Variants in SLC22A15 observed in about 807,000 individuals in gnomAD.
SLC22A15 encodes the protein flipt 1.
A neutral mutation model predicts 62.7 loss-of-function variants in SLC22A15; 45 were observed. The observed-to-expected ratio is 0.72, with a 90% CI of 0.56 to 0.92. The LOEUF (loss-of-function observed/expected upper bound fraction) is 0.92. Among genes scored for constraint, SLC22A15 ranks in the 40% least tolerant of loss-of-function variants. The pLI is 0.00. For missense variants in SLC22A15, 622 were observed against 665.6 expected, an observed-to-expected ratio of 0.93 and a Z score of 0.72; for synonymous variants, 264 against 267.0, an observed-to-expected ratio of 0.99 and a Z score of 0.11.
chr1:116,011,455 A>G (rs1001912492), intron 2 of SLC22A15, among the ~76,000 whole-genome samples: 3 of 152,068 alleles, frequency 2.0e-5, no homozygotes, highest in Admixed American at 2.0e-4. Flanking sequence ...TAAACCCACA[A>G]CCTGATGCTT....
At chr1:116,020,257 A>C (rs536054307) in intron 3 of SLC22A15, among the ~76,000 whole-genome samples, 25 of 151,548 alleles carry the variant, frequency 1.6e-4, no homozygotes, top group East Asian at 1.2e-3. Context: ...AAAAAAAAAA[A>C]AAAACACACA....
At position 116,020,574 on chromosome 1, in the gene SLC22A15, C is replaced by CA. The variant is rs530545712; in HGVS notation, c.434-138dup. On this transcript the variant is annotated intron_variant, in intron 3 of 11. Transcript: ENST00000369503. ...CCATCTCAAAAAAAAAACAAAAAAACAAAAAAAAACAAAAAGAAACCCACA... is the reference window on the plus strand; with the variant it reads ...CCATCTCAAAAAAAAAACAAAAAAACAAAAAAAAAACAAAAAGAAACCCACA... The CA allele has an allele frequency of 7.7e-3, 4,901 of 637,104 alleles. 14 individuals are homozygous for CA. The highest frequency in any genetic ancestry group is 0.017 in the African/African-American group (883 of 50,724). 39.5% of individuals were successfully genotyped at this position (637,104 alleles called of 1,614,324 possible).
chr1:116,023,768 G>A (rs1484104762), intron 4 of SLC22A15, among the ~76,000 whole-genome samples: 1 of 152,222 alleles, frequency 6.6e-6, no homozygotes. Context: ...AAATAGGATA[G>A]TTAGAGAAAA....
At chr1:116,017,161 G>T (rs1331128472) in intron 2 of SLC22A15, among the ~76,000 whole-genome samples, 1 of 151,808 alleles carries the variant, frequency 6.6e-6, no homozygotes, top group Non-Finnish European at 1.5e-5. Context: ...GAGTTTTTTT[G>T]TGGTTGGTTA....
chr1:116,032,506 TAAAGCTACAAAGAATA>T (rs1290719736), intron 6 of SLC22A15: 1 of 985,248 alleles, frequency 1.0e-6, no homozygotes, highest in Non-Finnish European at 1.2e-6. Flanking sequence ...ATCTTATGTA[TAAAGCTACAAAGAATA>T]GTAGCTTTAG....
intron 8 of SLC22A15, among the ~76,000 whole-genome samples, chr1:116,060,549 C>T (rs1658356132): frequency 6.6e-6 from 1 of 152,188 alleles, no homozygotes; most frequent in Admixed American, 6.5e-5. Context: ...TGCCTCCATA[C>T]AGTTCTGAAA....
intron 8 of SLC22A15, among the ~76,000 whole-genome samples, chr1:116,059,258 A>T (rs2101562131): frequency 6.6e-6 from 1 of 152,320 alleles, no homozygotes; most frequent in South Asian, 2.1e-4. Context: ...TAGACACTTC[A>T]GAAAATGTTT....
At chr1:116,046,706 G>A (rs768217801) in intron 8 of SLC22A15, among the ~76,000 whole-genome samples, 1 of 152,186 alleles carries the variant, frequency 6.6e-6, no homozygotes, top group Non-Finnish European at 1.5e-5. Flanking sequence ...AGGACCCGGA[G>A]ACATTCCAAA....
chr1:116,025,078 G>C (rs1254609625), intron 4 of SLC22A15, among the ~76,000 whole-genome samples: 2 of 152,000 alleles, frequency 1.3e-5, no homozygotes, highest in African/African-American at 2.4e-5. Context: ...TATAACATGA[G>C]GTAGGCACTG....
intron 7 of SLC22A15, among the ~76,000 whole-genome samples, chr1:116,035,864 G>A (rs953689316): frequency 2.6e-5 from 4 of 152,118 alleles, no homozygotes; most frequent in Non-Finnish European, 5.9e-5. Flanking sequence ...TTATTTTATA[G>A]AGCACCCTTT....
At chr1:116,010,382 A>G (rs1656190831) in intron 2 of SLC22A15, among the ~76,000 whole-genome samples, 1 of 152,212 alleles carries the variant, frequency 6.6e-6, no homozygotes, top group Non-Finnish European at 1.5e-5. Context: ...TATTTGAAAA[A>G]TTCACTGCAA....
At chr1:116,031,890 CA>C in intron 6 of SLC22A15, 1 of 1,132,650 alleles carries the variant, frequency 8.8e-7, no homozygotes, top group Non-Finnish European at 1.1e-6. Flanking sequence ...CCTTCCCCTG[CA>C]AAAAAGGAAA....
intron 5 of SLC22A15, among the ~76,000 whole-genome samples, chr1:116,027,816 G>T (rs1459590223): frequency 2.0e-5 from 3 of 152,080 alleles, no homozygotes; most frequent in Admixed American, 1.3e-4. Flanking sequence ...GTAGAGACAG[G>T]GTTTCTCCAT....
chr1:115,986,001 A>T lies in SLC22A15; in HGVS notation c.88-6030A>T, dbSNP rs950775755. Among the ~76,000 whole-genome samples, 11 of 151,312 alleles carry T rather than the reference A, an allele frequency of 7.3e-5. 2 individuals are homozygous for T. Among genetic ancestry groups the T allele is most frequent in the Admixed American group, 5.3e-4 (8 of 15,190 alleles). On this transcript the variant is annotated intron_variant, in intron 1 of 11. Coordinates refer to ENST00000369503, the MANE Select transcript of SLC22A15 (RefSeq NM_018420.3). ...GATGCGATTAAATACTTTGTTCAGA[A>T]TTTTTTTTAAATTTATTTTTAAATC...
At position 115,992,113 on chromosome 1, in the gene SLC22A15, C is replaced by G. The variant is rs1030938433; in HGVS notation, c.170C>G (p.Pro57Arg). Residue 57 changes from proline (P) to arginine (R), a missense_variant, in exon 2 of 12, where the codon CCA (proline) becomes CGA (arginine). Pro to Arg is a moderately radical substitution (Grantham distance 103, BLOSUM62 -2). Coordinates refer to ENST00000369503, the MANE Select transcript of SLC22A15 (RefSeq NM_018420.3). ...SYHWDLAELL[P>R]NQSHGNQSAG... is the part of the protein sequence containing the mutation. ...CACTGGGACCTGGCAGAGCTCCTGC[C>G]AAATCAGAGCCACGGTAACCAGTCA... 3 of 1,613,840 alleles carry G rather than the reference C, an allele frequency of 1.9e-6. No individual in the cohort carries two copies. Among genetic ancestry groups the G allele is most frequent in the Non-Finnish European group, 2.5e-6 (3 of 1,179,886 alleles).
intron 2 of SLC22A15, among the ~76,000 whole-genome samples, chr1:116,004,174 G>A (rs372792582): frequency 3.0e-4 from 45 of 152,158 alleles, no homozygotes; most frequent in African/African-American, 1.0e-3. Context: ...CCATCTCTTT[G>A]GCTGCAGCAC....
At position 116,009,019 on chromosome 1, in the gene SLC22A15, A is replaced by C. The variant is rs894719528; in HGVS notation, c.301-10563A>C. On this transcript the variant is annotated intron_variant, in intron 2 of 11. Transcript: ENST00000369503. ...TTAAGCTTTATTGCTGGTCAAGCTC[A>C]AATAAATGTACATGTTTCCTAACAG... Among the ~76,000 whole-genome samples the C allele has an allele frequency of 5.9e-5, 9 of 152,246 alleles. No homozygotes were observed. The South Asian group carries it at 1.9e-3, about 31-fold the overall frequency.
intron 2 of SLC22A15, among the ~76,000 whole-genome samples, chr1:116,002,080 T>C (rs560276542): frequency 5.9e-5 from 9 of 152,352 alleles, no homozygotes; most frequent in Non-Finnish European, 1.3e-4. Flanking sequence ...CTAGTAGCAC[T>C]GTGACTCTTA....
chr1:116,031,715 G>GT lies in SLC22A15; in HGVS notation c.944+135dup, dbSNP rs1344353192. On this transcript the variant is annotated intron_variant, in intron 6 of 11. Transcript: ENST00000369503. The stretch of plus-strand genomic sequence containing the variant: ...CTTGAGGTTGTTTTCTCAACAGCAA[G>GT]TCTCCTGATCCTTAGCGCCTGGTTT... The GT allele has an allele frequency of 8.9e-6, 13 of 1,467,554 alleles. No individual in the cohort carries two copies. The Admixed American group carries it at 3.4e-4, about 38-fold the overall frequency. The allele number at this position is 1,467,554 out of a possible 1,614,324, so 90.9% of individuals were successfully genotyped here.
Sources: allele counts gnomAD v4.1 joint callset (sites outside exome capture counted in the v4.1 genomes callset), GRCh38; gene constraint gnomAD v4.1.1; transcripts MANE v1.5; gene names NCBI Gene and HGNC (gene_info 2026-07-23, HGNC 2026-07-21).